CDC42EP1: variants seen among roughly 807,000 people sequenced by gnomAD.
The protein encoded by CDC42EP1 is 55 kDa bone marrow stromal/endothelial cell protein.
A neutral mutation model predicts 7.4 loss-of-function variants in CDC42EP1; 6 were observed. The ratio of observed to expected loss-of-function variants is 0.81; its 90% CI spans 0.44 to 1.60. The LOEUF is 1.60. Ranked by LOEUF, CDC42EP1 falls within the 40% of genes most tolerant of loss-of-function variation. The pLI is 0.01. For synonymous variants in CDC42EP1, 238 were observed against 227.1 expected (o/e 1.05, Z -0.43); for missense variants, 567 against 539.0 (o/e 1.05, Z -0.51).
Position 37,566,358 on chromosome 22 carries a change from C to A in CDC42EP1, c.9C>A (p.Gly3=). The change falls in exon 2 of 3, where the codon GGC becomes GGA. Residue 3 remains glycine (G), a synonymous_variant. Transcript: ENST00000249014. This position sits in a 1 kb window ranked among gnomAD's most constrained non-coding sequence, Gnocchi z 6.4. MP[G]PQGGRGAATM... is the part of the protein sequence containing the mutation. ...GTGAGCAGCCAGAGCTGATGCCCGG[C>A]CCCCAGGGGGGCAGAGGCGCCGCCA... The A allele has an allele frequency of 1.3e-6, 2 of 1,513,266 alleles. No individual in the cohort carries two copies. The highest frequency in any genetic ancestry group is 2.4e-5 in the East Asian group (1 of 41,372). The allele number at this position is 1,513,266 out of a possible 1,614,324, so 93.7% of individuals were successfully genotyped here.
intron 1 of CDC42EP1, among the ~76,000 whole-genome samples, chr22:37,561,140 C>T (rs763524516): frequency 2.0e-5 from 3 of 152,178 alleles, no homozygotes; most frequent in Non-Finnish European, 4.4e-5. Flanking sequence ...CGCGGAGCGA[C>T]CCTCCGCGTC....
chr22:37,561,464 G>T (rs1451790898), intron 1 of CDC42EP1, among the ~76,000 whole-genome samples: 1 of 152,130 alleles, frequency 6.6e-6, no homozygotes, highest in African/African-American at 2.4e-5. Context: ...TTTCCCCGTC[G>T]CTCCCTAATG....
intron 2 of CDC42EP1, among the ~76,000 whole-genome samples, chr22:37,567,409 C>T (rs1925284632): frequency 1.3e-5 from 2 of 152,194 alleles, no homozygotes; most frequent in Non-Finnish European, 2.9e-5. Context: ...CCGCAAGCCA[C>T]AGGCCTTCCT....
chr22:37,566,290 C>A lies in CDC42EP1; in HGVS notation c.-60C>A. On this transcript the variant is annotated 5_prime_UTR_variant, in exon 2 of 3. Coordinates refer to ENST00000249014, the MANE Select transcript of CDC42EP1 (RefSeq NM_152243.3). This position sits in a 1 kb window ranked among gnomAD's most constrained non-coding sequence, Gnocchi z 6.4. ...GCTGAGCAGCCATCCCAAGCCCAGC[C>A]CACCTCCCTCCCCCGGCCCCTGGTA... 1.2e-6 allele frequency: 1 copy of A among 825,802 alleles called. No homozygotes were observed. Among genetic ancestry groups the A allele is most frequent in the Admixed American group, 3.2e-5 (1 of 31,352 alleles). The allele number at this position is 825,802 out of a possible 1,614,324, so 51.2% of individuals were successfully genotyped here. A position where few individuals can be genotyped will look rare whatever the true frequency, so the allele number is the denominator to read the frequency against.
chr22:37,568,850 C>G lies in CDC42EP1; in HGVS notation c.*30C>G, dbSNP rs184400751. The G allele has an allele frequency of 5.3e-4, 743 of 1,412,624 alleles. 3 individuals are homozygous for G. The African/African-American group carries it at 9.8e-3, about 19-fold the overall frequency. The allele number at this position is 1,412,624 out of a possible 1,614,324, so 87.5% of individuals were successfully genotyped here. A position where few individuals can be genotyped will look rare whatever the true frequency, so the allele number is the denominator to read the frequency against. On this transcript the variant is annotated 3_prime_UTR_variant, in exon 3 of 3. Coordinates refer to ENST00000249014, the MANE Select transcript of CDC42EP1 (RefSeq NM_152243.3). Reference sequence around the variant, plus strand: ...CTGGGGCACGGTCCCAGGGCCCCACCTAGGTGCAGAGCCGGCCCCTCACCT... The same window carrying G: ...CTGGGGCACGGTCCCAGGGCCCCACGTAGGTGCAGAGCCGGCCCCTCACCT...
chr22:37,568,037 G>A, intron 2 of CDC42EP1, 71 bp from the exon 3 acceptor site: 2 of 1,361,086 alleles, frequency 1.5e-6, no homozygotes, highest in Non-Finnish European at 1.0e-6. Flanking sequence ...AGCCAGGACT[G>A]GTCCTGTCTC....
intron 1 of CDC42EP1, among the ~76,000 whole-genome samples, chr22:37,565,301 T>TCTTA (rs1461755604): frequency 6.6e-6 from 1 of 150,612 alleles, no homozygotes; most frequent in Admixed American, 6.6e-5. Flanking sequence ...GATCCTCCCT[T>TCTTA]CTTAGCCTCC....
chr22:37,563,589 A>G (rs752200760), intron 1 of CDC42EP1: 1 of 152,092 alleles, frequency 6.6e-6, no homozygotes, highest in African/African-American at 2.4e-5. Flanking sequence ...GCTTTGTCCT[A>G]TTGGCTTCTT....
Position 37,566,895 on chromosome 22 carries a change from A to C in CDC42EP1, c.463+83A>C, listed in dbSNP as rs536666652. 27 of 1,052,902 alleles carry C rather than the reference A, an allele frequency of 2.6e-5. No individual in the cohort carries two copies. The highest frequency in any genetic ancestry group is 3.7e-5 in the Non-Finnish European group (27 of 731,574). 65.2% of individuals were successfully genotyped at this position (1,052,902 alleles called of 1,614,324 possible). A position where few individuals can be genotyped will look rare whatever the true frequency, so the allele number is the denominator to read the frequency against. On this transcript the variant is annotated intron_variant, in intron 2 of 2. Transcript: ENST00000249014. This position sits in a 1 kb window ranked among gnomAD's most constrained non-coding sequence, Gnocchi z 6.4. ...GGTTCAGTGGCTCCTCCAAGCTCCA[A>C]GTGAGCTCCAAGTGACCACAGAGGT...
rs546212609 is a variant in CDC42EP1 at position 37,568,336 on chromosome 22, C to T, written c.692C>T (p.Pro231Leu). The T allele has an allele frequency of 6.2e-6, 10 of 1,601,596 alleles. No individual in the cohort carries two copies. The Admixed American group carries it at 1.3e-4, about 21-fold the overall frequency. The change falls in exon 3 of 3, where the codon CCC becomes CTC. Residue 231 changes from proline to leucine, a missense_variant. Transcript: ENST00000249014. ...AAETPAPAAN[P>L]PAPTANPTGP... is the part of the protein sequence containing the mutation. ...GAGACTCCAGCCCCCGCTGCAAACC[C>T]CCCAGCCCCTACTGCAAACCCCACG...
rs143551825 is a variant in CDC42EP1 at position 37,566,770 on chromosome 22, G to C, written c.421G>C (p.Asp141His). Reference sequence around the variant, plus strand: ...CCTCGTGGTTGGCAAGCTCAGCTTCGACAGCAGCCCCACCAGCTCCACGGA... The same window carrying C: ...CCTCGTGGTTGGCAAGCTCAGCTTCCACAGCAGCCCCACCAGCTCCACGGA... ...DSLVVGKLSF[D>H]SSPTSSTDGH... is the part of the protein sequence containing the mutation. Residue 141 changes from aspartate to histidine, a missense_variant, in exon 2 of 3, where the codon GAC (aspartate) becomes CAC (histidine). By Grantham distance (81) the Asp-to-His change is moderately conservative. Transcript: ENST00000249014. The surrounding 1 kb of genome is among the most constrained non-coding windows in gnomAD (Gnocchi z 6.4). 5.0e-6 allele frequency: 8 copies of C among 1,588,038 alleles called. No homozygotes were observed. Among genetic ancestry groups the C allele is most frequent in the Middle Eastern group, 1.7e-4 (1 of 5,916 alleles).
chr22:37,564,584 G>C (rs1257478124), intron 1 of CDC42EP1: 2 of 152,452 alleles, frequency 1.3e-5, no homozygotes, highest in African/African-American at 4.8e-5. Context: ...CTGCGTGGCA[G>C]AGATTTTAAT....
chr22:37,566,901 C>A lies in CDC42EP1; in HGVS notation c.463+89C>A. 1 of 977,036 alleles carries A rather than the reference C, an allele frequency of 1.0e-6. No homozygotes were observed. The highest frequency in any genetic ancestry group is 1.7e-5 in the South Asian group (1 of 58,974). 60.5% of individuals were successfully genotyped at this position (977,036 alleles called of 1,614,324 possible). Reference sequence around the variant, plus strand: ...GTGGCTCCTCCAAGCTCCAAGTGAGCTCCAAGTGACCACAGAGGTCAGGCC... The same window carrying A: ...GTGGCTCCTCCAAGCTCCAAGTGAGATCCAAGTGACCACAGAGGTCAGGCC... On this transcript the variant is annotated intron_variant, in intron 2 of 2. Coordinates refer to ENST00000249014, the MANE Select transcript of CDC42EP1 (RefSeq NM_152243.3). This position sits in a 1 kb window ranked among gnomAD's most constrained non-coding sequence, Gnocchi z 6.4.
chr22:37,562,433 G>T (rs537750950), intron 1 of CDC42EP1, among the ~76,000 whole-genome samples: 1 of 152,200 alleles, frequency 6.6e-6, no homozygotes, highest in Admixed American at 6.5e-5. Context: ...GCTGCCACCG[G>T]GGTCCCTGGA....
rs1925346034 is a variant in CDC42EP1 at position 37,568,430 on chromosome 22, T to C, written c.786T>C (p.Pro262=). 3 of 1,520,392 alleles carry C rather than the reference T, an allele frequency of 2.0e-6. No individual in the cohort carries two copies. The highest frequency in any genetic ancestry group is 2.7e-6 in the Non-Finnish European group (3 of 1,113,002). 94.2% of individuals were successfully genotyped at this position (1,520,392 alleles called of 1,614,324 possible). A position where few individuals can be genotyped will look rare whatever the true frequency, so the allele number is the denominator to read the frequency against. Residue 262 remains proline (P), a synonymous_variant, in exon 3 of 3, where the codon CCT becomes CCC. Coordinates refer to ENST00000249014, the MANE Select transcript of CDC42EP1 (RefSeq NM_152243.3). ...CGCCTGCTGCAAACCCCTCAGCACC[T>C]GCCGCAACCCCCACGGGTCCTGCTG... ...PPAPAANPSA[P]AATPTGPAAN...
Position 37,566,314 on chromosome 22 carries a change from T to C in CDC42EP1, c.-36T>C. On this transcript the variant is annotated 5_prime_UTR_variant, in exon 2 of 3. Coordinates refer to ENST00000249014, the MANE Select transcript of CDC42EP1 (RefSeq NM_152243.3). The surrounding 1 kb of genome is among the most constrained non-coding windows in gnomAD (Gnocchi z 6.4). Reference sequence around the variant, plus strand: ...CCCACCTCCCTCCCCCGGCCCCTGGTAGGCATGGACTAGCAGCTGTGAGCA... The same window carrying C: ...CCCACCTCCCTCCCCCGGCCCCTGGCAGGCATGGACTAGCAGCTGTGAGCA... The C allele has an allele frequency of 9.2e-6, 3 of 325,036 alleles. No individual in the cohort carries two copies. Among genetic ancestry groups the C allele is most frequent in the South Asian group, 3.7e-5 (1 of 26,692 alleles). The allele number at this position is 325,036 out of a possible 1,614,324, so 20.1% of individuals were successfully genotyped here.
At chr22:37,565,567 GTTTTTTTTTTTTTTTTT>G (rs10588992) in intron 1 of CDC42EP1, 1 of 80,920 alleles carries the variant, frequency 1.2e-5, no homozygotes. Context: ...GAACTTCCTT[GTTTTTTTTTTTTTTTTT>G]TTTTTTTTTT....
rs1925380838 is a variant in CDC42EP1, at chr22:37,568,927, A to C, written c.*107A>C. ...AGGGGAGAAGTCATGTTGCCCCTAA[A>C]CCCCTCCCCACCTCTGCAGGACAGA... On this transcript the variant is annotated 3_prime_UTR_variant, in exon 3 of 3. Transcript: ENST00000249014. The C allele has an allele frequency of 6.1e-6, 4 of 651,692 alleles. No individual in the cohort carries two copies. Among genetic ancestry groups the C allele is most frequent in the South Asian group, 4.4e-5 (1 of 22,858 alleles). The allele number at this position is 651,692 out of a possible 1,614,324, so 40.4% of individuals were successfully genotyped here. A position where few individuals can be genotyped will look rare whatever the true frequency, so the allele number is the denominator to read the frequency against.
rs1213816084 is a variant in CDC42EP1, at chr22:37,568,366, C to T, written c.722C>T (p.Pro241Leu). Residue 241 changes from proline to leucine, a missense_variant, in exon 3 of 3, where the codon CCT (proline) becomes CTT (leucine). Pro to Leu is a moderately conservative substitution (Grantham distance 98). Transcript: ENST00000249014. The part of the protein sequence containing the change: ...PPAPTANPTG[P>L]AANPPATTAN... ...GCCCCTACTGCAAACCCCACGGGTCCTGCTGCAAACCCCCCAGCCACTACT... is the reference window on the plus strand; with the variant it reads ...GCCCCTACTGCAAACCCCACGGGTCTTGCTGCAAACCCCCCAGCCACTACT... 1 of 1,549,250 alleles carries T rather than the reference C, an allele frequency of 6.5e-7. No homozygotes were observed. The highest frequency in any genetic ancestry group is 8.8e-7 in the Non-Finnish European group (1 of 1,136,648).
Sources: gnomAD v4.1 joint callset for allele counts (sites outside exome capture counted in the v4.1 genomes callset) on GRCh38, gnomAD v4.1.1 for gene constraint, Gnocchi (gnomAD v3.1) non-coding constraint, MANE v1.5 for transcripts, NCBI Gene and HGNC (gene_info 2026-07-23, HGNC 2026-07-21) for gene names.